KDM6A: variants seen among roughly 807,000 people sequenced by gnomAD.
KDM6A encodes lysine-specific demethylase 6A.
A neutral mutation model predicts 117.6 loss-of-function variants in KDM6A; 11 were observed. The ratio of observed to expected loss-of-function variants is 0.09; its 90% CI spans 0.06 to 0.15. The LOEUF (loss-of-function observed/expected upper bound fraction) is 0.15. Ranked by LOEUF, KDM6A falls within the 10% of genes least tolerant of loss-of-function variation. KDM6A has a pLI of 1.00. For synonymous variants in KDM6A, 384 were observed against 396.1 expected (o/e 0.97, Z 0.36); for missense variants, 799 against 1,077.3 (o/e 0.74, Z 3.62).
intron 8 of KDM6A, among the ~76,000 whole-genome samples, chrX:45,040,718 G>C (rs1367095053): frequency 1.2e-3 from 81 of 68,808 alleles, no homozygotes; most frequent in South Asian, 3.8e-3. Context: ...TGGACGGGCG[G>C]GGGGCTGACC....
intron 2 of KDM6A, among the ~76,000 whole-genome samples, chrX:44,886,065 G>GT (rs1161866320): frequency 1.3e-3 from 138 of 104,619 alleles, no homozygotes; most frequent in Admixed American, 5.2e-3. Context: ...AATACTGGTA[G>GT]TTTTTTTTTT....
chrX:45,044,427 A>G (rs1384095548), intron 8 of KDM6A, among the ~76,000 whole-genome samples: 1 of 111,589 alleles, frequency 9.0e-6, no homozygotes, highest in Non-Finnish European at 1.9e-5. Flanking sequence ...CTGAAATGTT[A>G]GTTATTTTTG....
chrX:44,923,123 CTGT>C (rs1242669167), intron 2 of KDM6A, among the ~76,000 whole-genome samples: 1 of 111,788 alleles, frequency 8.9e-6, no homozygotes, highest in African/African-American at 3.3e-5. Flanking sequence ...TTTTGTTCCT[CTGT>C]AAGACGTCTC....
Position 44,951,855 on chromosome X carries a change from C to T in KDM6A, c.226-9429C>T, listed in dbSNP as rs188792146. Among the ~76,000 whole-genome samples, 18 of 111,768 alleles carry T rather than the reference C, an allele frequency of 1.6e-4. No individual in the cohort carries two copies. In the East Asian group the frequency reaches 3.9e-3, roughly 24 times the overall value. On this transcript the variant is annotated intron_variant, in intron 2 of 29. Coordinates refer to ENST00000611820, the MANE Select transcript of KDM6A (RefSeq NM_001291415.2). ...TCTTTGCTAGTTTGTAGCTTTGTGA[C>T]CATGAGCACAGGATTTATTTAGGCC...
At chrX:44,894,070 A>C (rs773993035) in intron 2 of KDM6A, among the ~76,000 whole-genome samples, 18 of 112,035 alleles carry the variant, frequency 1.6e-4, no homozygotes, top group African/African-American at 5.5e-4. Context: ...GTATAAGATC[A>C]TGACAAGAAT....
At chrX:44,930,825 G>A (rs758864412) in intron 2 of KDM6A, among the ~76,000 whole-genome samples, 1 of 111,851 alleles carries the variant, frequency 8.9e-6, no homozygotes, top group East Asian at 2.8e-4. Flanking sequence ...AATGCCACAA[G>A]CATGTATAAC....
intron 4 of KDM6A, among the ~76,000 whole-genome samples, chrX:45,007,356 A>G (rs2147555221): frequency 9.0e-6 from 1 of 111,300 alleles, no homozygotes; most frequent in African/African-American, 3.3e-5. Context: ...CCTATTTTAA[A>G]AAATCTTTAA....
At chrX:45,037,095 T>C (rs1187887437) in intron 7 of KDM6A, among the ~76,000 whole-genome samples, 1 of 112,738 alleles carries the variant, frequency 8.9e-6, no homozygotes, top group African/African-American at 3.2e-5. Context: ...TAATAATGCC[T>C]GATGTCACAA....
rs780090838 is a variant in KDM6A at position 45,024,318 on chromosome X, A to G, written c.564+3588A>G. On this transcript the variant is annotated intron_variant, in intron 6 of 29. Transcript: ENST00000611820. ...ACATCTGTTATTTTTTGATTTTTAA[A>G]TCATGGCCATTCTTGCAGGAGTAAG... Among the ~76,000 whole-genome samples the G allele has an allele frequency of 5.4e-5, 6 of 111,842 alleles. No individual in the cohort carries two copies. In the South Asian group the frequency reaches 1.1e-3, roughly 21 times the overall value.
At chrX:45,007,715 T>G (rs902532865) in intron 4 of KDM6A, among the ~76,000 whole-genome samples, 1 of 111,828 alleles carries the variant, frequency 8.9e-6, no homozygotes, top group African/African-American at 3.3e-5. Context: ...GCATTTTTAT[T>G]TGATCGGATG....
At chrX:45,070,745 A>T (rs1462559968) in intron 18 of KDM6A, among the ~76,000 whole-genome samples, 3 of 107,155 alleles carry the variant, frequency 2.8e-5, no homozygotes, top group African/African-American at 1.0e-4. Flanking sequence ...ATTAAATGTT[A>T]GGCTAGGAAT....
At chrX:44,895,704 T>G (rs1455966632) in intron 2 of KDM6A, among the ~76,000 whole-genome samples, 1 of 109,919 alleles carries the variant, frequency 9.1e-6, no homozygotes, top group South Asian at 3.8e-4. Flanking sequence ...ATTTTCATTT[T>G]GATTCAGTTC....
chrX:44,965,521 A>G (rs137994846), intron 3 of KDM6A, among the ~76,000 whole-genome samples: 3,791 of 111,342 alleles, frequency 0.034, 171 homozygotes, highest in African/African-American at 0.12. Flanking sequence ...CATAATTTCA[A>G]TGTTGTCATG....
At chrX:45,021,715 A>G (rs2042176597) in intron 6 of KDM6A, among the ~76,000 whole-genome samples, 1 of 112,038 alleles carries the variant, frequency 8.9e-6, no homozygotes, top group African/African-American at 3.2e-5. Flanking sequence ...TTAAAGAGAG[A>G]GGGAGGTACA....
chrX:44,911,721 C>T (rs1370912992), intron 2 of KDM6A, among the ~76,000 whole-genome samples: 5 of 111,536 alleles, frequency 4.5e-5, no homozygotes, highest in Non-Finnish European at 9.4e-5. Flanking sequence ...CGCCACTGCA[C>T]TCCAGCCTGG....
At chrX:44,995,765 G>A (rs1299584015) in intron 4 of KDM6A, among the ~76,000 whole-genome samples, 1 of 111,738 alleles carries the variant, frequency 8.9e-6, no homozygotes, top group Non-Finnish European at 1.9e-5. Context: ...ACCAGGCCTG[G>A]CCTGTTGGGA....
At chrX:44,988,146 A>G (rs2040352121) in intron 4 of KDM6A, among the ~76,000 whole-genome samples, 1 of 110,885 alleles carries the variant, frequency 9.0e-6, no homozygotes, top group Admixed American at 9.6e-5. Flanking sequence ...TTCTCACTTC[A>G]TTTCATTCGT....
At chrX:44,930,572 T>A (rs970835470) in intron 2 of KDM6A, among the ~76,000 whole-genome samples, 8 of 112,017 alleles carry the variant, frequency 7.1e-5, no homozygotes, top group Non-Finnish European at 1.5e-4. Flanking sequence ...CTTATTAAAA[T>A]GTATTGGTTC....
At chrX:44,925,194 C>T (rs771751081) in intron 2 of KDM6A, among the ~76,000 whole-genome samples, 1 of 111,103 alleles carries the variant, frequency 9.0e-6, no homozygotes, top group African/African-American at 3.3e-5. Flanking sequence ...CTGCAGCCCC[C>T]TTCTCTCTCA....
Sources: gnomAD v4.1 joint callset for allele counts (sites outside exome capture counted in the v4.1 genomes callset) on GRCh38, gnomAD v4.1.1 for gene constraint, MANE v1.5 for transcripts, NCBI Gene and HGNC (gene_info 2026-07-23, HGNC 2026-07-21) for gene names.